The following GPC5 variants were observed in gnomAD, a reference collection of about 807,000 sequenced individuals.
The protein encoded by GPC5 is glypican-5.
In GPC5, 47 loss-of-function variants were observed where a neutral mutation model predicts 53.9. The observed-to-expected ratio is 0.87, with a 90% CI of 0.69 to 1.11. The LOEUF is 1.11. GPC5 is among the 50% of genes most tolerant of loss of function. The pLI is 0.00. For missense variants in GPC5, 748 were observed against 713.1 expected (o/e 1.05, Z -0.56); for synonymous variants, 286 against 263.3 (o/e 1.09, Z -0.84).
At chr13:92,284,468 T>A (rs978346446) in intron 7 of GPC5, among the ~76,000 whole-genome samples, 1 of 152,176 alleles carries the variant, frequency 6.6e-6, no homozygotes, top group Non-Finnish European at 1.5e-5. Flanking sequence ...ATATCCCTGA[T>A]GAACATCAAT....
intron 7 of GPC5, among the ~76,000 whole-genome samples, chr13:92,273,365 T>G (rs1448505270): frequency 1.3e-5 from 2 of 152,086 alleles, no homozygotes; most frequent in Non-Finnish European, 2.9e-5. Context: ...ATCTCCATAC[T>G]CATTAGCTAT....
chr13:92,579,879 TATGTATGC>T, intron 7 of GPC5, among the ~76,000 whole-genome samples: 1 of 152,310 alleles, frequency 6.6e-6, no homozygotes, highest in African/African-American at 2.4e-5. Flanking sequence ...GCTTTTTCAC[TATGTATGC>T]TTAACATTCT....
chr13:92,093,866 C>T (rs1394380799), intron 6 of GPC5, among the ~76,000 whole-genome samples: 2 of 152,186 alleles, frequency 1.3e-5, no homozygotes, highest in Non-Finnish European at 2.9e-5. Context: ...AAATTAATTT[C>T]AGCTATTGGC....
At chr13:92,031,854 A>G (rs2040852577) in intron 6 of GPC5, among the ~76,000 whole-genome samples, 1 of 104,998 alleles carries the variant, frequency 9.5e-6, no homozygotes, top group Non-Finnish European at 1.8e-5. Flanking sequence ...CATATTATAT[A>G]TAATATATAT....
chr13:92,646,406 T>A (rs1301896784), intron 7 of GPC5, among the ~76,000 whole-genome samples: 1 of 152,128 alleles, frequency 6.6e-6, no homozygotes. Context: ...TGCAACCCTA[T>A]CTTTCTTACT....
chr13:91,767,720 C>T (rs2037551358), intron 5 of GPC5, among the ~76,000 whole-genome samples: 1 of 152,182 alleles, frequency 6.6e-6, no homozygotes, highest in Non-Finnish European at 1.5e-5. Flanking sequence ...CTATTTTTAA[C>T]TTGTTACACG....
intron 6 of GPC5, among the ~76,000 whole-genome samples, chr13:92,034,900 G>A (rs1459775261): frequency 6.6e-6 from 1 of 151,904 alleles, no homozygotes; most frequent in East Asian, 1.9e-4. Context: ...GTTCTATTAT[G>A]GTAAATTTTA....
At chr13:92,530,697 AT>A (rs1294777543) in intron 7 of GPC5, among the ~76,000 whole-genome samples, 1 of 151,962 alleles carries the variant, frequency 6.6e-6, no homozygotes, top group Non-Finnish European at 1.5e-5. Context: ...TGAGTTCTTT[AT>A]TTTTCCTATG....
chr13:91,445,467 AGTTT>A (rs1254168285), intron 1 of GPC5, among the ~76,000 whole-genome samples: 1 of 152,052 alleles, frequency 6.6e-6, no homozygotes, highest in Non-Finnish European at 1.5e-5. Context: ...AAGCCTTATC[AGTTT>A]GTTTATTTGT....
chr13:91,706,223 C>T (rs1232898276), intron 3 of GPC5, among the ~76,000 whole-genome samples: 1 of 151,384 alleles, frequency 6.6e-6, no homozygotes, highest in Admixed American at 6.6e-5. Context: ...TATTTCATCA[C>T]TTTATGGACC....
At chr13:91,407,848 A>G (rs1877440067) in intron 1 of GPC5, among the ~76,000 whole-genome samples, 1 of 152,194 alleles carries the variant, frequency 6.6e-6, no homozygotes, top group African/African-American at 2.4e-5. Flanking sequence ...AGCAGGTATA[A>G]TCTGTCTCTG....
intron 7 of GPC5, among the ~76,000 whole-genome samples, chr13:92,670,910 C>A (rs1886726654): frequency 6.6e-6 from 1 of 152,118 alleles, no homozygotes; most frequent in African/African-American, 2.4e-5. Context: ...GGCAAAAAGG[C>A]TGCTCCTTGG....
chr13:91,434,410 T>G (rs1354905372), intron 1 of GPC5, among the ~76,000 whole-genome samples: 1 of 152,140 alleles, frequency 6.6e-6, no homozygotes, highest in African/African-American at 2.4e-5. Flanking sequence ...AGTTTCAGCT[T>G]TCTACATATG....
At chr13:92,740,003 T>A (rs1009865103) in intron 7 of GPC5, among the ~76,000 whole-genome samples, 4 of 152,018 alleles carry the variant, frequency 2.6e-5, no homozygotes, top group Non-Finnish European at 5.9e-5. Flanking sequence ...ATTATTTACC[T>A]CAGTACAGCC....
chr13:92,058,099 G>T (rs1172084614), intron 6 of GPC5, among the ~76,000 whole-genome samples: 2 of 152,216 alleles, frequency 1.3e-5, no homozygotes, highest in African/African-American at 4.8e-5. Context: ...TTGAATCTCA[G>T]TTGAGTCCTC....
chr13:92,747,094 T>C (rs1889258846), intron 7 of GPC5, among the ~76,000 whole-genome samples: 1 of 152,168 alleles, frequency 6.6e-6, no homozygotes, highest in Admixed American at 6.5e-5. Context: ...ATGGGACCAC[T>C]ATCATATATG....
chr13:91,884,388 G>A (rs1437398487), intron 5 of GPC5, among the ~76,000 whole-genome samples: 1 of 152,130 alleles, frequency 6.6e-6, no homozygotes, highest in Non-Finnish European at 1.5e-5. Flanking sequence ...AGAAAATGTG[G>A]TACATATACA....
chr13:92,155,880 T>C (rs145202734), intron 7 of GPC5, among the ~76,000 whole-genome samples: 1,743 of 152,264 alleles, frequency 0.011, 12 homozygotes, highest in Non-Finnish European at 0.017. Context: ...TTTTAGTCTG[T>C]TTTTGAACAT....
chr13:92,278,219 T>A (rs7331075), intron 7 of GPC5, among the ~76,000 whole-genome samples: 40,760 of 151,794 alleles, frequency 0.27, 6,377 homozygotes, highest in African/African-American at 0.42. Flanking sequence ...TTTAATGTTT[T>A]TATTAAACCT....
Sources: gnomAD v4.1 joint callset for allele counts (sites outside exome capture counted in the v4.1 genomes callset) on GRCh38, gnomAD v4.1.1 for gene constraint, MANE v1.5 for transcripts, NCBI Gene and HGNC (gene_info 2026-07-23, HGNC 2026-07-21) for gene names.